Variants in TCF12 observed in about 807,000 individuals in gnomAD.
TCF12 encodes the protein DNA-binding protein HTF4.
TCF12 carries 45 observed loss-of-function variants against 86.0 expected under a neutral mutation model. The ratio of observed to expected loss-of-function variants is 0.52; its 90% confidence interval spans 0.41 to 0.67. The LOEUF is 0.67. Ranked by LOEUF, TCF12 falls within the 30% of genes least tolerant of loss-of-function variation. The pLI is 0.00. For missense variants in TCF12, 881 were observed against 859.9 expected, an observed-to-expected ratio of 1.02 and a Z score of -0.31; for synonymous variants, 330 against 299.6, an observed-to-expected ratio of 1.10 and a Z score of -1.05.
At position 57,116,032 on chromosome 15, in the gene TCF12, A is replaced by G. The variant is rs1341414011; in HGVS notation, c.325+24141A>G. On this transcript the variant is annotated intron_variant, in intron 5 of 20. Transcript: ENST00000333725. The stretch of plus-strand genomic sequence containing the variant: ...TTTGGATTCTGTCATGATTGTTTCC[A>G]TAACATTGCCTCATTTTATCCTCAG... 2.0e-5 allele frequency among the ~76,000 whole-genome samples: 3 copies of G among 152,144 alleles called. No individual in the cohort carries two copies. In the East Asian group the frequency reaches 5.8e-4, roughly 29 times the overall value.
chr15:57,202,676 C>G (rs1397551258), intron 8 of TCF12, among the ~76,000 whole-genome samples: 1 of 151,956 alleles, frequency 6.6e-6, no homozygotes, highest in Admixed American at 6.6e-5. Flanking sequence ...ACCTCCTGAT[C>G]CACCTACCTC....
chr15:57,063,374 G>A (rs2068606832), intron 3 of TCF12, among the ~76,000 whole-genome samples: 1 of 152,146 alleles, frequency 6.6e-6, no homozygotes, highest in Non-Finnish European at 1.5e-5. Context: ...GCTTAACTAT[G>A]AAAAATGAAT....
intron 7 of TCF12, among the ~76,000 whole-genome samples, chr15:57,195,683 T>C (rs2057225848): frequency 6.6e-6 from 1 of 152,216 alleles, no homozygotes; most frequent in Admixed American, 6.5e-5. Flanking sequence ...ATATTCACTG[T>C]AGAGAATTCC....
chr15:57,104,478 G>A (rs1275667933), intron 5 of TCF12, among the ~76,000 whole-genome samples: 2 of 37,616 alleles, frequency 5.3e-5, no homozygotes, highest in Non-Finnish European at 5.6e-5. Flanking sequence ...GTCTTTTTCT[G>A]TTGCCCAGGC....
chr15:57,261,908 T>C (rs1474221014), intron 16 of TCF12, among the ~76,000 whole-genome samples, 186 bp from the exon 17 acceptor site: 2 of 152,190 alleles, frequency 1.3e-5, no homozygotes, highest in Non-Finnish European at 2.9e-5. Context: ...TTAAAAGCAG[T>C]ACTGCTATGA....
chr15:57,085,369 G>A (rs1435878098), intron 4 of TCF12, among the ~76,000 whole-genome samples: 1 of 152,178 alleles, frequency 6.6e-6, no homozygotes, highest in African/African-American at 2.4e-5. Flanking sequence ...CTATTAAGTA[G>A]CTGTTTCCGA....
intron 18 of TCF12, among the ~76,000 whole-genome samples, chr15:57,268,542 C>T (rs1450476595): frequency 6.6e-6 from 1 of 152,144 alleles, no homozygotes; most frequent in African/African-American, 2.4e-5. Context: ...CACGAGCCAC[C>T]ATGCCTGGCC....
At chr15:57,206,287 G>A (rs1286758798) in intron 8 of TCF12, among the ~76,000 whole-genome samples, 1 of 152,150 alleles carries the variant, frequency 6.6e-6, no homozygotes, top group African/African-American at 2.4e-5. Context: ...CAGATCACTA[G>A]CTCAGAAGTT....
chr15:56,935,947 A>G (rs2060450367), intron 3 of TCF12, among the ~76,000 whole-genome samples: 2 of 152,186 alleles, frequency 1.3e-5, no homozygotes. Context: ...GTGAATTGCT[A>G]TAAACGTGTG....
chr15:57,282,333 A>G, intron 19 of TCF12, 112 bp from the exon 20 acceptor site: 2 of 1,271,970 alleles, frequency 1.6e-6, no homozygotes, highest in Admixed American at 1.8e-5. Context: ...CTTCTATGTG[A>G]TGGTACTTAG....
intron 16 of TCF12, among the ~76,000 whole-genome samples, chr15:57,257,693 A>G (rs1431695664): frequency 6.7e-6 from 1 of 148,972 alleles, no homozygotes; most frequent in Non-Finnish European, 1.5e-5. Flanking sequence ...ATATATATAT[A>G]TATATATATA....
At chr15:57,084,679 C>G (rs78194258) in intron 4 of TCF12, among the ~76,000 whole-genome samples, 6,449 of 151,898 alleles carry the variant, frequency 0.042, 375 homozygotes, top group African/African-American at 0.14. Flanking sequence ...CTGCAAAAGA[C>G]TAGCTTTTAA....
chr15:56,928,800 T>C (rs1317323423), intron 3 of TCF12, among the ~76,000 whole-genome samples: 1 of 152,222 alleles, frequency 6.6e-6, no homozygotes, highest in Non-Finnish European at 1.5e-5. Context: ...TGAAATTCTT[T>C]CTGGAGTGAG....
chr15:57,273,946 C>G (rs1376766863), intron 19 of TCF12, among the ~76,000 whole-genome samples: 1 of 152,162 alleles, frequency 6.6e-6, no homozygotes, highest in African/African-American at 2.4e-5. Flanking sequence ...TTATTGCATA[C>G]CTCCTCTGTT....
At chr15:57,071,072 C>T (rs1467399119) in intron 4 of TCF12, among the ~76,000 whole-genome samples, 1 of 152,070 alleles carries the variant, frequency 6.6e-6, no homozygotes, top group Non-Finnish European at 1.5e-5. Context: ...TCTTATAGTT[C>T]AGGAAATATG....
intron 8 of TCF12, among the ~76,000 whole-genome samples, chr15:57,229,693 A>C (rs148422209): frequency 1.6e-4 from 24 of 152,056 alleles, no homozygotes; most frequent in Non-Finnish European, 3.1e-4. Context: ...TGTTAGAATG[A>C]AAGGTGATAC....
rs781060597 is a variant in TCF12 at position 57,063,792 on chromosome 15, G to A, written c.191G>A (p.Gly64Asp). The change falls in exon 4 of 21, where the codon GGT becomes GAT. Residue 64 changes from glycine (G) to aspartate (D), a missense_variant. Around this residue, in one of 3 missense-constraint regions of TCF12, gnomAD observed 766 missense variants for 718.9 expected, o/e 1.07. Coordinates refer to ENST00000333725, the MANE Select transcript of TCF12 (RefSeq NM_207037.2). ...GGTACAACATCTTGGGGAACAAGTG[G>A]TCAACCAAGTCCTTCCTATGATTCA... is the stretch of plus-strand genomic sequence containing the variant. ...RGGTTSWGTS[G>D]QPSPSYDSSR... 9 of 1,602,688 alleles carry A rather than the reference G, an allele frequency of 5.6e-6. No homozygotes were observed. Among genetic ancestry groups the A allele is most frequent in the African/African-American group, 2.7e-5 (2 of 74,828 alleles).
chr15:57,120,701 A>G (rs2051167846), intron 5 of TCF12, among the ~76,000 whole-genome samples: 1 of 152,190 alleles, frequency 6.6e-6, no homozygotes, highest in African/African-American at 2.4e-5. Context: ...TAAGATTTTG[A>G]TCCTTCTCCT....
chr15:56,993,645 A>G (rs2063560463), intron 3 of TCF12, among the ~76,000 whole-genome samples: 1 of 152,212 alleles, frequency 6.6e-6, no homozygotes, highest in Non-Finnish European at 1.5e-5. Context: ...CCATTCGATG[A>G]TACAAAAGTG....
Sources: gnomAD v4.1 joint callset for allele counts (sites outside exome capture counted in the v4.1 genomes callset) on GRCh38, gnomAD v4.1.1 for gene constraint, gnomAD v4.1.1 regional missense constraint, MANE v1.5 for transcripts, NCBI Gene and HGNC (gene_info 2026-07-23, HGNC 2026-07-21) for gene names.